LRRC69: variants seen among roughly 807,000 people sequenced by gnomAD.
The protein encoded by LRRC69 is leucine-rich repeat-containing protein 69.
LRRC69 carries 42 observed loss-of-function variants against 37.8 expected under a neutral mutation model. That is an observed-to-expected ratio of 1.11 (90% CI 0.87 to 1.44). LRRC69 has a LOEUF of 1.44. LRRC69 is among the 40% of genes most tolerant of loss of function. LRRC69 has a pLI of 0.00. For missense variants in LRRC69, 357 were observed against 401.9 expected, an observed-to-expected ratio of 0.89 and a Z score of 0.96; for synonymous variants, 141 against 143.1, an observed-to-expected ratio of 0.99 and a Z score of 0.11.
Position 91,102,845 on chromosome 8 carries a change from G to A in LRRC69, c.183+1G>A. ...TCCAGAGTTATGCAACTTGACCCAG[G>A]TGAGGAACAGTGTTTTGCTGTTGTG... is the stretch of plus-strand genomic sequence containing the variant. On this transcript the variant is annotated splice_donor_variant, in intron 1 of 7. Transcript: ENST00000448384. LOFTEE classifies it high-confidence loss of function. 1.3e-6 allele frequency: 2 copies of A among 1,539,574 alleles called. No homozygotes were observed. The highest frequency in any genetic ancestry group is 1.8e-6 in the Non-Finnish European group (2 of 1,142,406).
At chr8:91,165,696 T>C (rs903187700) in intron 5 of LRRC69, among the ~76,000 whole-genome samples, 2 of 151,750 alleles carry the variant, frequency 1.3e-5, no homozygotes, top group African/African-American at 4.8e-5. Flanking sequence ...TTTTCTGTTT[T>C]TGTGTAGTAG....
chr8:91,186,941 T>C (rs188541648), intron 5 of LRRC69, among the ~76,000 whole-genome samples: 2 of 152,278 alleles, frequency 1.3e-5, no homozygotes, highest in East Asian at 1.9e-4. Flanking sequence ...AGGGGAAATA[T>C]GAATTTAGGC....
At chr8:91,173,563 A>G (rs1358667403) in intron 5 of LRRC69, among the ~76,000 whole-genome samples, 1 of 152,200 alleles carries the variant, frequency 6.6e-6, no homozygotes, top group Non-Finnish European at 1.5e-5. Flanking sequence ...CACTTGCAGT[A>G]TATTGTCAGG....
At chr8:91,120,858 A>G (rs189268721) in intron 1 of LRRC69, among the ~76,000 whole-genome samples, 4 of 152,052 alleles carry the variant, frequency 2.6e-5, no homozygotes, top group East Asian at 1.9e-4. Context: ...AAAGCTCACA[A>G]ATTTATTCTG....
intron 6 of LRRC69, among the ~76,000 whole-genome samples, chr8:91,197,575 C>T (rs957391154): frequency 2.0e-4 from 31 of 152,216 alleles, no homozygotes; most frequent in African/African-American, 5.3e-4. Flanking sequence ...GTCGGAAAAG[C>T]GCAGTATTAG....
At chr8:91,116,590 T>C (rs767664716) in intron 1 of LRRC69, among the ~76,000 whole-genome samples, 110 of 152,042 alleles carry the variant, frequency 7.2e-4, no homozygotes, top group Admixed American at 2.6e-3. Flanking sequence ...TTCTGAGCAA[T>C]AGTAAATTCC....
intron 1 of LRRC69, among the ~76,000 whole-genome samples, chr8:91,123,996 A>C (rs1813674016): frequency 6.6e-6 from 1 of 151,946 alleles, no homozygotes; most frequent in South Asian, 2.1e-4. Context: ...CACAGAGCCC[A>C]CACAGCCTGC....
chr8:91,166,545 A>T (rs1189291628), intron 5 of LRRC69, among the ~76,000 whole-genome samples: 3 of 149,706 alleles, frequency 2.0e-5, no homozygotes, highest in Non-Finnish European at 3.0e-5. Context: ...TCCTAATATT[A>T]GCAATTTTGA....
At chr8:91,199,624 A>G (rs950931661) in intron 6 of LRRC69, among the ~76,000 whole-genome samples, 2 of 152,170 alleles carry the variant, frequency 1.3e-5, no homozygotes, top group Admixed American at 6.5e-5. Context: ...GACTATTTCA[A>G]TACTACTGGG....
chr8:91,160,376 C>T (rs1372074099), intron 5 of LRRC69, among the ~76,000 whole-genome samples: 1 of 150,208 alleles, frequency 6.7e-6, no homozygotes, highest in Non-Finnish European at 1.5e-5. Context: ...TAATTTCATT[C>T]CTTACTATTT....
intron 6 of LRRC69, among the ~76,000 whole-genome samples, chr8:91,195,206 A>G (rs539768604): frequency 0.025 from 3,856 of 151,782 alleles, 147 homozygotes; most frequent in African/African-American, 0.088. Context: ...GTGGTCTGAG[A>G]GATAGTTTGT....
chr8:91,196,160 T>C (rs1809596257), intron 6 of LRRC69, among the ~76,000 whole-genome samples: 1 of 152,082 alleles, frequency 6.6e-6, no homozygotes, highest in African/African-American at 2.4e-5. Flanking sequence ...TTTAAGAATG[T>C]TGAATATTGG....
At chr8:91,102,699 G>C in exon 1 of LRRC69, 1 of 1,551,310 alleles carries the variant, frequency 6.4e-7, no homozygotes, top group Non-Finnish European at 8.7e-7. Flanking sequence ...TTGAGTGGTG[G>C]TAAAAATACG....
At chr8:91,108,253 C>A (rs1254570236) in intron 1 of LRRC69, among the ~76,000 whole-genome samples, 1 of 151,980 alleles carries the variant, frequency 6.6e-6, no homozygotes, top group African/African-American at 2.4e-5. Flanking sequence ...CCTTTTCATA[C>A]TTTTGCTGTC....
intron 6 of LRRC69, among the ~76,000 whole-genome samples, chr8:91,197,140 C>T (rs1454182623): frequency 6.6e-6 from 1 of 152,150 alleles, no homozygotes; most frequent in Non-Finnish European, 1.5e-5. Context: ...GGGTGCCTCC[C>T]AGTTAGGCTA....
intron 7 of LRRC69, among the ~76,000 whole-genome samples, chr8:91,202,317 T>A (rs574018237): frequency 1.6e-4 from 25 of 152,158 alleles, no homozygotes; most frequent in Non-Finnish European, 3.4e-4. Context: ...TCAGGTGTCA[T>A]TTAATTTGAT....
At chr8:91,186,707 T>G (rs866293005) in intron 5 of LRRC69, among the ~76,000 whole-genome samples, 1 of 152,274 alleles carries the variant, frequency 6.6e-6, no homozygotes, top group African/African-American at 2.4e-5. Context: ...CTGAGATGAA[T>G]TCAAGTACCA....
chr8:91,148,244 C>T (rs567994617), intron 5 of LRRC69, among the ~76,000 whole-genome samples: 9 of 151,188 alleles, frequency 6.0e-5, no homozygotes, highest in Non-Finnish European at 1.2e-4. Flanking sequence ...CCCCCCACCC[C>T]ACATCAGGCC....
intron 3 of LRRC69, among the ~76,000 whole-genome samples, chr8:91,131,246 T>G (rs914663208): frequency 5.5e-5 from 8 of 146,694 alleles, no homozygotes; most frequent in African/African-American, 1.9e-4. Context: ...TTTTTTTTTT[T>G]TTGTTTTGTT....
Sources: gnomAD v4.1 joint callset for allele counts (sites outside exome capture counted in the v4.1 genomes callset) on GRCh38, gnomAD v4.1.1 for gene constraint, MANE v1.5 for transcripts, NCBI Gene and HGNC (gene_info 2026-07-23, HGNC 2026-07-21) for gene names.